The following CFAP70 variants were observed in gnomAD, a reference collection of about 807,000 sequenced individuals.
CFAP70 encodes the protein cilia and flagella associated protein 70.
Under a neutral mutation model 137.6 loss-of-function variants are expected in CFAP70, and 81 were observed. The ratio of observed to expected loss-of-function variants is 0.59; its 90% confidence interval spans 0.49 to 0.71. The LOEUF (loss-of-function observed/expected upper bound fraction) is 0.71, where lower values mean the gene tolerates loss of function less well. CFAP70 is among the 30% of genes least tolerant of loss of function. The pLI, the probability that CFAP70 is intolerant of heterozygous loss-of-function variation, is 0.00. For synonymous variants in CFAP70, 382 were observed against 423.6 expected, an observed-to-expected ratio of 0.90 and a Z score of 1.20; for missense variants, 976 against 1,226.7, an observed-to-expected ratio of 0.80 and a Z score of 3.05.
intron 25 of CFAP70, among the ~76,000 whole-genome samples, chr10:73,262,853 T>C (rs189794251): frequency 3.1e-4 from 47 of 152,220 alleles, no homozygotes; most frequent in African/African-American, 1.0e-3. Flanking sequence ...AGTTAAAGTA[T>C]ATATGTGTGT....
At chr10:73,260,575 C>T (rs556558578) in intron 25 of CFAP70, among the ~76,000 whole-genome samples, 25 of 152,286 alleles carry the variant, frequency 1.6e-4, no homozygotes, top group African/African-American at 5.8e-4. Flanking sequence ...CAAGCATCAG[C>T]ACAATCCAGT....
intron 25 of CFAP70, among the ~76,000 whole-genome samples, chr10:73,259,869 A>G (rs2044969051): frequency 6.6e-6 from 1 of 151,884 alleles, no homozygotes; most frequent in Non-Finnish European, 1.5e-5. Flanking sequence ...TGTCTCTACA[A>G]AAAATGAAAA....
chr10:73,311,939 A>G, intron 10 of CFAP70, 25 bp from the exon 12 acceptor site: 2 of 1,561,160 alleles, frequency 1.3e-6, no homozygotes, highest in Non-Finnish European at 1.8e-6. Flanking sequence ...ACACACCTCA[A>G]AAATTGAATT....
chr10:73,326,694 G>A (rs1281566190), intron 8 of CFAP70, among the ~76,000 whole-genome samples: 1 of 152,078 alleles, frequency 6.6e-6, no homozygotes, highest in Non-Finnish European at 1.5e-5. Context: ...TACCATCAGA[G>A]AATAGGATGA....
intron 6 of CFAP70, among the ~76,000 whole-genome samples, chr10:73,335,941 G>A (rs545358267): frequency 2.8e-5 from 4 of 144,174 alleles, no homozygotes; most frequent in Non-Finnish European, 5.9e-5. Context: ...AGGAGTTCAA[G>A]ACCAGGCTGG....
chr10:73,345,847 T>C (rs1047430823), intron 4 of CFAP70, among the ~76,000 whole-genome samples: 2 of 152,014 alleles, frequency 1.3e-5, no homozygotes, highest in South Asian at 2.1e-4. Flanking sequence ...GTAAGTGAGA[T>C]TGGGTGCTTT....
rs566468913 is a variant in CFAP70 at position 73,310,021 on chromosome 10, C to T, written c.1256+137G>A. Reference sequence around the variant, plus strand: ...GATAAGGTAACAAAAATAACAACAACAACAAAAACTTCATCTAGAAAAAAA... The same window carrying T: ...GATAAGGTAACAAAAATAACAACAATAACAAAAACTTCATCTAGAAAAAAA... On this transcript the variant is annotated intron_variant, in intron 12 of 26. Transcript: ENST00000310715. 5.6e-6 allele frequency: 3 copies of T among 534,134 alleles called. No homozygotes were observed. In the South Asian group the frequency reaches 8.6e-5, roughly 15 times the overall value. The allele number at this position is 534,134 out of a possible 1,614,324, so 33.1% of individuals were successfully genotyped here. A position where few individuals can be genotyped will look rare whatever the true frequency, so the allele number is the denominator to read the frequency against.
At chr10:73,291,997 G>A (rs1195234312) in exon 17 of CFAP70, 9 of 1,614,034 alleles carry the variant, frequency 5.6e-6, no homozygotes, top group Non-Finnish European at 7.6e-6. Context: ...CCAGATTCTG[G>A]GGCTCACGGA....
chr10:73,299,613 C>T, exon 13 of CFAP70: 1 of 1,613,232 alleles, frequency 6.2e-7, no homozygotes, highest in South Asian at 1.1e-5. Context: ...GCCTTCTGAG[C>T]TCCTCCTGTC....
upstream of CFAP70, among the ~76,000 whole-genome samples, chr10:73,359,735 G>A (rs1235773132): frequency 6.6e-6 from 1 of 152,104 alleles, no homozygotes; most frequent in African/African-American, 2.4e-5. Flanking sequence ...GTTCTATGAG[G>A]CATAGAATAC....
chr10:73,297,266 C>T (rs1265934819), intron 14 of CFAP70, 93 bp from the exon 16 acceptor site: 1 of 1,349,856 alleles, frequency 7.4e-7, no homozygotes, highest in Non-Finnish European at 9.8e-7. Context: ...TAAAGCTGAT[C>T]AAAATTTCAG....
intron 24 of CFAP70, among the ~76,000 whole-genome samples, chr10:73,271,659 C>T (rs79587376): frequency 0.11 from 16,071 of 152,150 alleles, 1,222 homozygotes; most frequent in East Asian, 0.3. Context: ...TGTGGAGTTA[C>T]GGATACTTTA....
chr10:73,298,874 C>A (rs202015366), intron 14 of CFAP70, 33 bp downstream of exon 15: 21 of 1,584,032 alleles, frequency 1.3e-5, no homozygotes, highest in Non-Finnish European at 1.6e-5. Context: ...TCCATAAACA[C>A]CCATGGAGTA....
At chr10:73,330,037 C>T (rs2051915705) in intron 8 of CFAP70, among the ~76,000 whole-genome samples, 1 of 151,986 alleles carries the variant, frequency 6.6e-6, no homozygotes, top group Non-Finnish European at 1.5e-5. Flanking sequence ...TATGGTTTGC[C>T]ACAGAAAATT....
chr10:73,361,292 CCT>C (rs1491446280), upstream of CFAP70, among the ~76,000 whole-genome samples: 1 of 143,462 alleles, frequency 7.0e-6, no homozygotes, highest in African/African-American at 2.7e-5. Context: ...CCATGCCCGG[CCT>C]TTTTTTTTTT....
At chr10:73,344,252 C>T (rs2053526225) in intron 5 of CFAP70, among the ~76,000 whole-genome samples, 1 of 152,218 alleles carries the variant, frequency 6.6e-6, no homozygotes, top group Admixed American at 6.5e-5. Context: ...GCGTGAGCCA[C>T]TGCACCCCAG....
At chr10:73,299,580 A>C (rs371497279) in intron 13 of CFAP70, 25 bp downstream of exon 14, 15 of 1,603,394 alleles carry the variant, frequency 9.4e-6, no homozygotes, top group Non-Finnish European at 1.2e-5. Flanking sequence ...ATTACTTATC[A>C]TTTCAACTTG....
intron 11 of CFAP70, among the ~76,000 whole-genome samples, 186 bp from the exon 13 acceptor site, chr10:73,310,435 G>A (rs1350367947): frequency 6.6e-6 from 1 of 152,208 alleles, no homozygotes; most frequent in Admixed American, 6.5e-5. Flanking sequence ...TATAGCAACA[G>A]TGGTTATCTC....
chr10:73,267,954 G>A (rs763883110), intron 25 of CFAP70, among the ~76,000 whole-genome samples: 5 of 152,172 alleles, frequency 3.3e-5, no homozygotes, highest in African/African-American at 1.2e-4. Context: ...TCAAGCCAGA[G>A]ATGCTATACT....
Sources: gnomAD v4.1 joint callset for allele counts (sites outside exome capture counted in the v4.1 genomes callset) on GRCh38, gnomAD v4.1.1 for gene constraint, MANE v1.5 for transcripts, NCBI Gene and HGNC (gene_info 2026-07-23, HGNC 2026-07-21) for gene names.